Variants in NCR2 observed in about 807,000 individuals in gnomAD.
NCR2 encodes the protein NK cell activating receptor (NKp44).
NCR2 carries 35 observed loss-of-function variants against 30.7 expected under a neutral mutation model. The observed-to-expected ratio is 1.14, with a 90% confidence interval of 0.87 to 1.51. NCR2 has a LOEUF of 1.51. Among genes scored for constraint, NCR2 ranks in the 40% most tolerant of loss-of-function variants. NCR2 has a pLI of 0.00. For missense variants in NCR2, 316 were observed against 328.9 expected (o/e 0.96, Z 0.30); for synonymous variants, 146 against 134.8 (o/e 1.08, Z -0.58).
intron 2 of NCR2, among the ~76,000 whole-genome samples, chr6:41,340,869 C>T (rs1769151041): frequency 6.6e-6 from 1 of 152,104 alleles, no homozygotes; most frequent in Non-Finnish European, 1.5e-5. Context: ...GGGACAGGAT[C>T]GTGCCCACAG....
intron 2 of NCR2, among the ~76,000 whole-genome samples, chr6:41,339,305 G>T (rs9471583): frequency 6.6e-6 from 1 of 151,924 alleles, no homozygotes; most frequent in African/African-American, 2.4e-5. Context: ...CAGGTGATCC[G>T]CCTGACTCGG....
At chr6:41,342,796 G>A (rs1561943028) in intron 4 of NCR2, 4 of 760,114 alleles carry the variant, frequency 5.3e-6, no homozygotes, top group East Asian at 2.7e-5. Flanking sequence ...CTGAGTGAAA[G>A]GTGCAGGGAC....
At chr6:41,340,314 A>C (rs1415905897) in intron 2 of NCR2, among the ~76,000 whole-genome samples, 1 of 152,074 alleles carries the variant, frequency 6.6e-6, no homozygotes, top group Non-Finnish European at 1.5e-5. Flanking sequence ...GGCGCCTGCT[A>C]CCACGCCTGG....
chr6:41,340,210 G>C (rs2114052759), intron 2 of NCR2, among the ~76,000 whole-genome samples: 1 of 149,588 alleles, frequency 6.7e-6, no homozygotes, highest in African/African-American at 2.5e-5. Context: ...CACCCAGGCT[G>C]GAGTGCGGTG....
At chr6:41,336,531 C>T in intron 2 of NCR2, 103 bp downstream of exon 2, 1 of 935,192 alleles carries the variant, frequency 1.1e-6, no homozygotes, top group East Asian at 2.5e-5. Context: ...ATGCCCACGC[C>T]CCAGTCTCCT....
In NCR2 at chr6:41,348,781, T is replaced by TA. The variant is rs533099482; in HGVS notation, c.645-1889dup. Among the ~76,000 whole-genome samples, 24 of 151,958 alleles carry TA rather than the reference T, an allele frequency of 1.6e-4. No individual in the cohort carries two copies. The South Asian group carries it at 2.7e-3, about 17-fold the overall frequency. ...CAGTGTTTTGTGACTGTCATTCTCT[T>TA]AAAAAAAATGTGGATCTCCTGTAAA... On this transcript the variant is annotated intron_variant, in intron 4 of 4. Coordinates refer to ENST00000373089, the MANE Select transcript of NCR2 (RefSeq NM_004828.4).
rs1465194120 is a variant in NCR2 at position 41,335,768 on chromosome 6, T to G, written c.-109T>G. 1 of 1,268,420 alleles carries G rather than the reference T, an allele frequency of 7.9e-7. No homozygotes were observed. The highest frequency in any genetic ancestry group is 1.1e-6 in the Non-Finnish European group (1 of 889,558). 78.6% of individuals were successfully genotyped at this position (1,268,420 alleles called of 1,614,324 possible). ...AACCCAGGCCTCAGCCTGTCTCATT[T>G]TTCTATCAGACGTGCTGGAAGAGCA... is the stretch of plus-strand genomic sequence containing the variant. On this transcript the variant is annotated 5_prime_UTR_variant, in exon 1 of 5. Coordinates refer to ENST00000373089, the MANE Select transcript of NCR2 (RefSeq NM_004828.4).
At chr6:41,348,963 G>A (rs967429494) in intron 4 of NCR2, among the ~76,000 whole-genome samples, 6 of 151,408 alleles carry the variant, frequency 4.0e-5, no homozygotes, top group East Asian at 1.9e-4. Context: ...TATGAAGCAC[G>A]CACCCTTAAA....
chr6:41,349,585 C>A (rs150761494), intron 4 of NCR2, among the ~76,000 whole-genome samples: 2 of 152,230 alleles, frequency 1.3e-5, no homozygotes, highest in African/African-American at 4.8e-5. Flanking sequence ...ATGATGAAGT[C>A]TCTGTAAAAA....
At chr6:41,339,385 T>A (rs1769115954) in intron 2 of NCR2, among the ~76,000 whole-genome samples, 1 of 150,818 alleles carries the variant, frequency 6.6e-6, no homozygotes, top group South Asian at 2.1e-4. Flanking sequence ...TTTGTTGTTG[T>A]TGTTATTGTT....
intron 4 of NCR2, among the ~76,000 whole-genome samples, chr6:41,346,814 G>GGAGAGAGA (rs2114064945): frequency 7.1e-6 from 1 of 140,368 alleles, no homozygotes; most frequent in African/African-American, 2.6e-5. Context: ...AGAAAGAGGG[G>GGAGAGAGA]GAAAGAGAGA....
At position 41,336,380 on chromosome 6, in the gene NCR2, G is replaced by T. The variant is rs988930849; in HGVS notation, c.346G>T (p.Asp116Tyr). The part of the protein sequence containing the change: ...HYWCRIYRPS[D>Y]NSVSKSVRFY... Reference sequence around the variant, plus strand: ...CTGGTGTAGAATCTACCGCCCTTCTGACAACTCTGTCTCTAAGTCCGTCAG... The same window carrying T: ...CTGGTGTAGAATCTACCGCCCTTCTTACAACTCTGTCTCTAAGTCCGTCAG... The change falls in exon 2 of 5, where the codon GAC (aspartate) becomes TAC (tyrosine). Residue 116 changes from aspartate to tyrosine, a missense_variant. Asp to Tyr is a radical substitution (Grantham distance 160). Transcript: ENST00000373089. 6.2e-7 allele frequency: 1 copy of T among 1,613,968 alleles called. No individual in the cohort carries two copies. Among genetic ancestry groups the T allele is most frequent in the African/African-American group, 1.3e-5 (1 of 75,024 alleles).
chr6:41,349,331 C>G (rs1447512450), intron 4 of NCR2, among the ~76,000 whole-genome samples: 3 of 152,066 alleles, frequency 2.0e-5, no homozygotes, highest in African/African-American at 7.2e-5. Context: ...CTGCTCCTGA[C>G]ACAGAGCTCC....
intron 2 of NCR2, among the ~76,000 whole-genome samples, chr6:41,340,483 A>G (rs1280998030): frequency 1.3e-5 from 2 of 152,160 alleles, no homozygotes; most frequent in Admixed American, 6.5e-5. Flanking sequence ...ATTTTAAAGT[A>G]TCACACACTG....
intron 2 of NCR2, among the ~76,000 whole-genome samples, chr6:41,340,811 C>T (rs1019686123): frequency 2.6e-5 from 4 of 152,148 alleles, no homozygotes; most frequent in Admixed American, 2.6e-4. Flanking sequence ...AGGCTGAGCA[C>T]AGGGTTATCC....
At chr6:41,349,073 T>C (rs1381080606) in intron 4 of NCR2, among the ~76,000 whole-genome samples, 1 of 147,030 alleles carries the variant, frequency 6.8e-6, no homozygotes, top group African/African-American at 2.5e-5. Flanking sequence ...TAGTTTATTA[T>C]ATTTTTAATA....
chr6:41,346,902 AAGGG>A (rs1769314679), intron 4 of NCR2, among the ~76,000 whole-genome samples: 2 of 151,774 alleles, frequency 1.3e-5, no homozygotes, highest in African/African-American at 4.8e-5. Flanking sequence ...AAAGAAGGAA[AAGGG>A]AGGGAGGGAA....
At chr6:41,342,274 A>G (rs1378441260) in intron 4 of NCR2, 125 bp downstream of exon 4, 2 of 1,317,846 alleles carry the variant, frequency 1.5e-6, no homozygotes, top group Non-Finnish European at 2.1e-6. Context: ...GAGCTCTCCA[A>G]ATTAAAGCCC....
intron 4 of NCR2, among the ~76,000 whole-genome samples, chr6:41,348,252 C>A (rs543491556): frequency 6.6e-6 from 1 of 152,140 alleles, no homozygotes; most frequent in African/African-American, 2.4e-5. Flanking sequence ...CCCATTATGG[C>A]GTCAGGATGA....
Sources: gnomAD v4.1 joint callset for allele counts (sites outside exome capture counted in the v4.1 genomes callset) on GRCh38, gnomAD v4.1.1 for gene constraint, MANE v1.5 for transcripts, NCBI Gene and HGNC (gene_info 2026-07-23, HGNC 2026-07-21) for gene names.